Variants in PRRT3 observed in about 807,000 individuals in gnomAD.
PRRT3 encodes the protein proline-rich transmembrane protein 3.
In PRRT3, 48 loss-of-function variants were observed where a neutral mutation model predicts 56.6. The observed-to-expected ratio is 0.85, with a 90% CI of 0.67 to 1.08. PRRT3 has a LOEUF of 1.08. Among genes scored for constraint, PRRT3 ranks in the 50% least tolerant of loss-of-function variants. PRRT3 has a pLI of 0.00. For missense variants in PRRT3, 1,370 were observed against 1,353.1 expected (o/e 1.01, Z -0.20); for synonymous variants, 641 against 619.1 (o/e 1.04, Z -0.52).
Position 9,947,969 on chromosome 3 carries a change from T to C in PRRT3, c.1204A>G (p.Ser402Gly). 1 of 1,362,362 alleles carries C rather than the reference T, an allele frequency of 7.3e-7. No homozygotes were observed. Among genetic ancestry groups the C allele is most frequent in the Admixed American group, 3.0e-5 (1 of 32,942 alleles). The allele number at this position is 1,362,362 out of a possible 1,614,324, so 84.4% of individuals were successfully genotyped here. ...TGGACTGGGGGTGCTGGGGGATGGC[T>C]TTGGGGGCGCCCCGGCCACTCCTCG... ...EAEEWPGRPQ[S>G]HPPAPPVQAP... Residue 402 changes from serine to glycine, a missense_variant, in exon 4 of 4, where the codon AGC becomes GGC. Physicochemically the swap from Ser to Gly is moderately conservative, Grantham distance 56. Transcript: ENST00000412055. The surrounding 1 kb of genome is among the most constrained non-coding windows in gnomAD (Gnocchi z 9.2).
At chr3:9,952,143 TCTCCTCCTCCTC>T (rs562516938) in intron 1 of PRRT3, among the ~76,000 whole-genome samples, 167 bp downstream of exon 1, 5 of 151,044 alleles carry the variant, frequency 3.3e-5, no homozygotes. Context: ...TCGGGTTACC[TCTCCTCCTCCTC>T]CTCCTCCTCC....
chr3:9,949,314 C>A lies in PRRT3; in HGVS notation c.802G>T (p.Ala268Ser). 1.2e-6 allele frequency: 2 copies of A among 1,613,338 alleles called. No individual in the cohort carries two copies. The highest frequency in any genetic ancestry group is 1.7e-6 in the Non-Finnish European group (2 of 1,179,500). The change falls in exon 2 of 4, where the codon GCC becomes TCC. Residue 268 changes from alanine (A) to serine (S), a missense_variant. Ala to Ser is a moderately conservative substitution (Grantham distance 99, BLOSUM62 1). Coordinates refer to ENST00000412055, the MANE Select transcript of PRRT3 (RefSeq NM_207351.5). This position sits in a 1 kb window ranked among gnomAD's most constrained non-coding sequence, Gnocchi z 4.5. ...VEVVYSQEPG[A>S]QPDLALARSL... is the part of the protein sequence containing the mutation. ...CTGGCCAATGCCAAGTCTGGCTGGG[C>A]CCCTGGCTCCTGAGAGTACACCACC... is the stretch of plus-strand genomic sequence containing the variant.
In PRRT3 at chr3:9,949,118, T is replaced by C; in HGVS notation, c.998A>G (p.Asp333Gly). 4 of 1,607,932 alleles carry C rather than the reference T, an allele frequency of 2.5e-6. No individual in the cohort carries two copies. Among genetic ancestry groups the C allele is most frequent in the Non-Finnish European group, 3.4e-6 (4 of 1,178,246 alleles). The change falls in exon 2 of 4, where the codon GAT becomes GGT. Residue 333 changes from aspartate (D) to glycine (G), a missense_variant. Transcript: ENST00000412055. The surrounding 1 kb of genome is among the most constrained non-coding windows in gnomAD (Gnocchi z 4.5). ...PTDPPASEAP[D>G]RPSKPERAAM... ...ATACCCACCTGGCTTAGACGGCCGATCAGGAGCCTCTGAGGCGGGTGGATC... is the reference window on the plus strand; with the variant it reads ...ATACCCACCTGGCTTAGACGGCCGACCAGGAGCCTCTGAGGCGGGTGGATC...
intron 3 of PRRT3, chr3:9,948,203 C>T (rs903785747): frequency 9.0e-6 from 4 of 444,140 alleles, no homozygotes; most frequent in African/African-American, 8.1e-5. Flanking sequence ...TGGATGTCAG[C>T]TATCATTTTC....
Position 9,947,874 on chromosome 3 carries a change from AG to A in PRRT3, c.1298del (p.Pro433LeufsTer35). ...CCATGGAGCTGGCGGTGGGCTCCGGAGGGGGAGGCTGGCCCAGGGCTCGCTG... is the reference window on the plus strand; with the variant it reads ...CCATGGAGCTGGCGGTGGGCTCCGGAGGGGAGGCTGGCCCAGGGCTCGCTG... ...TTQRALGQPP[P>X]PEPTASSMAS... On this transcript the variant is annotated frameshift_variant, in exon 4 of 4. Transcript: ENST00000412055. LOFTEE classifies it high-confidence loss of function. This position sits in a 1 kb window ranked among gnomAD's most constrained non-coding sequence, Gnocchi z 9.2. 7.0e-7 allele frequency: 1 copy of A among 1,426,292 alleles called. No individual in the cohort carries two copies. The highest frequency in any genetic ancestry group is 9.2e-7 in the Non-Finnish European group (1 of 1,090,284). The allele number at this position is 1,426,292 out of a possible 1,614,324, so 88.4% of individuals were successfully genotyped here.
chr3:9,948,676 T>A, intron 3 of PRRT3, 82 bp downstream of exon 3: 93 of 1,429,944 alleles, frequency 6.5e-5, no homozygotes, highest in Non-Finnish European at 8.6e-5. Flanking sequence ...TTCCCCACCC[T>A]CCGCCCCCAT....
At chr3:9,951,997 G>A (rs1292666746) in intron 1 of PRRT3, among the ~76,000 whole-genome samples, 1 of 152,248 alleles carries the variant, frequency 6.6e-6, no homozygotes, top group Non-Finnish European at 1.5e-5. Context: ...CAAGGCGGGG[G>A]CTTGCCCAGC....
In PRRT3 at chr3:9,946,756, G is replaced by T. The variant is rs1478872223; in HGVS notation, c.2417C>A (p.Pro806Gln). 13 of 1,533,168 alleles carry T rather than the reference G, an allele frequency of 8.5e-6. No individual in the cohort carries two copies. Among genetic ancestry groups the T allele is most frequent in the Non-Finnish European group, 1.0e-5 (12 of 1,148,996 alleles). 95.0% of individuals were successfully genotyped at this position (1,533,168 alleles called of 1,614,324 possible). A position where few individuals can be genotyped will look rare whatever the true frequency, so the allele number is the denominator to read the frequency against. The change falls in exon 4 of 4, where the codon CCG becomes CAG. Residue 806 changes from proline to glutamine, a missense_variant. Physicochemically the swap from Pro to Gln is moderately conservative, Grantham distance 76. Transcript: ENST00000412055. This position sits in a 1 kb window ranked among gnomAD's most constrained non-coding sequence, Gnocchi z 4.1. Reference sequence around the variant, plus strand: ...GCGGCTCAGGTTGATGGGCGATGGCGGCCGCAGATCCAGCTCGCTCAGCGA... The same window carrying T: ...GCGGCTCAGGTTGATGGGCGATGGCTGCCGCAGATCCAGCTCGCTCAGCGA... ...APSLSELDLR[P>Q]PSPINLSRSI...
intron 1 of PRRT3, among the ~76,000 whole-genome samples, chr3:9,950,542 G>A (rs145894833): frequency 1.3e-5 from 2 of 152,276 alleles, no homozygotes; most frequent in Non-Finnish European, 2.9e-5. Context: ...TTGCTCTGTC[G>A]CTCAGGCTGG....
At chr3:9,950,990 A>G (rs1169910485) in intron 1 of PRRT3, among the ~76,000 whole-genome samples, 1 of 152,142 alleles carries the variant, frequency 6.6e-6, no homozygotes, top group African/African-American at 2.4e-5. Context: ...TGCCTAACTC[A>G]AGGCATGAGA....
chr3:9,947,812 G>A lies in PRRT3; in HGVS notation c.1361C>T (p.Thr454Ile). The A allele has an allele frequency of 6.9e-7, 1 of 1,448,872 alleles. No individual in the cohort carries two copies. Among genetic ancestry groups the A allele is most frequent in the Non-Finnish European group, 9.1e-7 (1 of 1,101,086 alleles). The allele number at this position is 1,448,872 out of a possible 1,614,324, so 89.8% of individuals were successfully genotyped here. Reference sequence around the variant, plus strand: ...GGGGCCCCAGCGTAGCGGGGGTGCAGTGGCGTTGGCTGGGGGGCTGGAGGC... The same window carrying A: ...GGGGCCCCAGCGTAGCGGGGGTGCAATGGCGTTGGCTGGGGGGCTGGAGGC... ...APASSPPANA[T>I]APPLRWGPLR... Residue 454 changes from threonine (T) to isoleucine (I), a missense_variant, in exon 4 of 4, where the codon ACT (threonine) becomes ATT (isoleucine). Transcript: ENST00000412055. The surrounding 1 kb of genome is among the most constrained non-coding windows in gnomAD (Gnocchi z 9.2).
At position 9,947,701 on chromosome 3, in the gene PRRT3, G is replaced by A. The variant is rs772930367; in HGVS notation, c.1472C>T (p.Ala491Val). 6.4e-7 allele frequency: 1 copy of A among 1,568,814 alleles called. No individual in the cohort carries two copies. Among genetic ancestry groups the A allele is most frequent in the Non-Finnish European group, 8.6e-7 (1 of 1,160,756 alleles). Residue 491 changes from alanine to valine, a missense_variant, in exon 4 of 4, where the codon GCT becomes GTT. Transcript: ENST00000412055. The surrounding 1 kb of genome is among the most constrained non-coding windows in gnomAD (Gnocchi z 9.2). ...CCCTGCTGGGGCGGCTGCCAGCGCA[G>A]CCAGCGCCAACAACGCGGGCAGCAG... Reference protein sequence around the residue: ...LFLLPALLALAALAAAPAGPR... With the variant: ...LFLLPALLALVALAAAPAGPR...
Position 9,950,130 on chromosome 3 carries a change from C to A in PRRT3, c.-15G>T. 1 of 1,417,346 alleles carries A rather than the reference C, an allele frequency of 7.1e-7. No individual in the cohort carries two copies. 87.8% of individuals were successfully genotyped at this position (1,417,346 alleles called of 1,614,324 possible). A position where few individuals can be genotyped will look rare whatever the true frequency, so the allele number is the denominator to read the frequency against. ...CTGGAGGCCATGGTCTACTCCGATG[C>A]CTGGGCCTAAAGCCCCCACCTTCCA... On this transcript the variant is annotated 5_prime_UTR_variant, in exon 2 of 4. Transcript: ENST00000412055.
intron 3 of PRRT3, 55 bp from the exon 4 acceptor site, chr3:9,948,056 T>G: frequency 7.7e-7 from 1 of 1,290,698 alleles, no homozygotes; most frequent in Non-Finnish European, 9.8e-7. Flanking sequence ...TGATTTTGTA[T>G]CACCCTCTAG....
Position 9,946,460 on chromosome 3 carries a change from C to G in PRRT3, c.2713G>C (p.Asp905His), listed in dbSNP as rs1006339133. ...AAAAASGSSLDSFSRGSLKIS... is the reference protein window; with the variant it reads ...AAAAASGSSLHSFSRGSLKIS... ...TTGAGTGAACCCCTGGAGAAGCTGT[C>G]GAGGGAGCTGCCAGAAGCCGCAGCG... is the stretch of plus-strand genomic sequence containing the variant. The change falls in exon 4 of 4, where the codon GAC becomes CAC. Residue 905 changes from aspartate to histidine, a missense_variant. Asp to His is a moderately conservative substitution (Grantham distance 81). Coordinates refer to ENST00000412055, the MANE Select transcript of PRRT3 (RefSeq NM_207351.5). This position sits in a 1 kb window ranked among gnomAD's most constrained non-coding sequence, Gnocchi z 4.1. 3.2e-6 allele frequency: 5 copies of G among 1,570,908 alleles called. No individual in the cohort carries two copies. Among genetic ancestry groups the G allele is most frequent in the Non-Finnish European group, 3.5e-6 (4 of 1,158,828 alleles).
rs1317251402 is a variant in PRRT3 at position 9,947,790 on chromosome 3, G to T, written c.1383C>A (p.Gly461=). The T allele has an allele frequency of 3.4e-6, 5 of 1,464,482 alleles. No homozygotes were observed. In the South Asian group the frequency reaches 4.3e-5, roughly 13 times the overall value. The allele number at this position is 1,464,482 out of a possible 1,614,324, so 90.7% of individuals were successfully genotyped here. Residue 461 remains glycine, a synonymous_variant, in exon 4 of 4, where the codon GGC becomes GGA. Transcript: ENST00000412055. This position sits in a 1 kb window ranked among gnomAD's most constrained non-coding sequence, Gnocchi z 9.2. ...AGAAGCTCAGGACCCGCCGAAGGGG[G>T]CCCCAGCGTAGCGGGGGTGCAGTGG... ...ANATAPPLRW[G]PLRRVLSFSW...
chr3:9,948,028 C>A, intron 3 of PRRT3, 27 bp from the exon 4 acceptor site: 1 of 1,295,348 alleles, frequency 7.7e-7, no homozygotes, highest in Non-Finnish European at 9.8e-7. Flanking sequence ...ATTAAAATAG[C>A]CATTTGAAAA....
Position 9,949,541 on chromosome 3 carries a change from G to A in PRRT3, c.575C>T (p.Thr192Ile). The A allele has an allele frequency of 6.2e-7, 1 of 1,614,114 alleles. No individual in the cohort carries two copies. The highest frequency in any genetic ancestry group is 8.5e-7 in the Non-Finnish European group (1 of 1,180,048). Residue 192 changes from threonine to isoleucine, a missense_variant, in exon 2 of 4, where the codon ACT becomes ATT. By Grantham distance (89) the Thr-to-Ile change is moderately conservative. Coordinates refer to ENST00000412055, the MANE Select transcript of PRRT3 (RefSeq NM_207351.5). The surrounding 1 kb of genome is among the most constrained non-coding windows in gnomAD (Gnocchi z 4.5). ...PPRDEGLKAK[T>I]KSRVPPTSPS... ...AGAAGTGGGTGGGACCCTGCTCTTA[G>A]TTTTGGCCTTCAGACCCTCATCTCT...
At chr3:9,950,442 A>AT (rs1343705175) in intron 1 of PRRT3, among the ~76,000 whole-genome samples, 3 of 152,162 alleles carry the variant, frequency 2.0e-5, no homozygotes, top group Non-Finnish European at 4.4e-5. Context: ...TGTGGCTCCC[A>AT]TGCCTTTTGC....
Sources: allele counts gnomAD v4.1 joint callset (sites outside exome capture counted in the v4.1 genomes callset), GRCh38; gene constraint gnomAD v4.1.1; non-coding constraint Gnocchi (gnomAD v3.1); transcripts MANE v1.5; gene names NCBI Gene and HGNC (gene_info 2026-07-23, HGNC 2026-07-21).